The following CCDC3 variants were observed in gnomAD, a reference collection of about 807,000 sequenced individuals.
CCDC3 encodes the protein coiled-coil domain-containing protein 3.
A neutral mutation model predicts 21.4 loss-of-function variants in CCDC3; 24 were observed. The observed-to-expected ratio is 1.12, with a 90% CI of 0.81 to 1.58. The LOEUF is 1.58. CCDC3 is among the 40% of genes most tolerant of loss of function. The pLI is 0.00. For synonymous variants in CCDC3, 186 were observed against 166.0 expected, an observed-to-expected ratio of 1.12 and a Z score of -0.93; for missense variants, 425 against 360.9, an observed-to-expected ratio of 1.18 and a Z score of -1.44.
At chr10:12,907,345 C>A (rs1375297051) in intron 2 of CCDC3, among the ~76,000 whole-genome samples, 2 of 152,120 alleles carry the variant, frequency 1.3e-5, no homozygotes, top group Non-Finnish European at 2.9e-5. Flanking sequence ...CCCCATTTCC[C>A]AGGAATAAAG....
intron 2 of CCDC3, among the ~76,000 whole-genome samples, chr10:12,992,158 G>A (rs1462618410): frequency 6.6e-6 from 1 of 152,086 alleles, no homozygotes; most frequent in African/African-American, 2.4e-5. Flanking sequence ...GGGAGGCTGA[G>A]GTGGGTAGAT....
intron 2 of CCDC3, among the ~76,000 whole-genome samples, chr10:12,901,525 G>A (rs937805136): frequency 2.6e-5 from 4 of 151,968 alleles, no homozygotes; most frequent in South Asian, 2.1e-4. Flanking sequence ...TGCCCGCCTC[G>A]GCCTCCCAAA....
chr10:13,014,997 T>C (rs1311296543), intron 5 of CCDC3, among the ~76,000 whole-genome samples: 1 of 152,100 alleles, frequency 6.6e-6, no homozygotes, highest in Non-Finnish European at 1.5e-5. Context: ...GGGAGTGATT[T>C]GTAAATTGTA....
At chr10:12,912,291 T>C (rs113466897) in intron 2 of CCDC3, among the ~76,000 whole-genome samples, 2,745 of 152,298 alleles carry the variant, frequency 0.018, 76 homozygotes, top group African/African-American at 0.062. Flanking sequence ...CCAACACTTA[T>C]CTTTTGTCTT....
intron 5 of CCDC3, among the ~76,000 whole-genome samples, chr10:13,016,986 C>G (rs1314286497): frequency 6.6e-6 from 1 of 152,032 alleles, no homozygotes; most frequent in Non-Finnish European, 1.5e-5. Flanking sequence ...ACATCATGAT[C>G]TCTGCCAGTT....
At chr10:12,920,331 G>C (rs1764175979) in intron 2 of CCDC3, among the ~76,000 whole-genome samples, 3 of 152,128 alleles carry the variant, frequency 2.0e-5, no homozygotes, top group African/African-American at 4.8e-5. Flanking sequence ...TCTCCCACGG[G>C]GTCCTTCCCA....
At chr10:13,074,908 AAT>A (rs1160851795) in intron 3 of CCDC3, among the ~76,000 whole-genome samples, 1 of 152,258 alleles carries the variant, frequency 6.6e-6, no homozygotes, top group Non-Finnish European at 1.5e-5. Flanking sequence ...TCAAACAGAC[AAT>A]ATGAGTGCCT....
chr10:12,934,859 C>T (rs1195020197), intron 2 of CCDC3, among the ~76,000 whole-genome samples: 1 of 152,092 alleles, frequency 6.6e-6, no homozygotes. Flanking sequence ...TATCAAACTC[C>T]TAGGCTCAAT....
rs554589239 is a variant in CCDC3, at chr10:13,016,230, A to G, written c.-1-17718T>C. On this transcript the variant is annotated intron_variant, in intron 5 of 6. Transcript: ENST00000378839. ...AAAATTCCCCTCCCATAGAGTTAAC[A>G]AATGAATAAACAAATAAAAACCCCA... 7.9e-5 allele frequency among the ~76,000 whole-genome samples: 12 copies of G among 152,042 alleles called. No homozygotes were observed. The East Asian group carries it at 2.3e-3, about 29-fold the overall frequency.
At chr10:12,937,543 G>A (rs768356073) in intron 2 of CCDC3, among the ~76,000 whole-genome samples, 2 of 152,086 alleles carry the variant, frequency 1.3e-5, no homozygotes, top group Non-Finnish European at 2.9e-5. Flanking sequence ...GCTCACTGCA[G>A]CCTCGACCTC....
At chr10:13,052,766 C>T (rs1836624588) in intron 4 of CCDC3, among the ~76,000 whole-genome samples, 1 of 151,998 alleles carries the variant, frequency 6.6e-6, no homozygotes, top group Non-Finnish European at 1.5e-5. Context: ...ATGGTGAAAC[C>T]CTGTCTCTAC....
At chr10:13,060,138 G>C (rs917336619) in intron 4 of CCDC3, among the ~76,000 whole-genome samples, 4 of 147,926 alleles carry the variant, frequency 2.7e-5, no homozygotes, top group Non-Finnish European at 5.9e-5. Context: ...ATCTGAGCCA[G>C]CTGTTTCATC....
At chr10:13,032,981 G>GA (rs1425528197) in intron 5 of CCDC3, among the ~76,000 whole-genome samples, 1 of 152,124 alleles carries the variant, frequency 6.6e-6, no homozygotes, top group Non-Finnish European at 1.5e-5. Context: ...CACAGAATTG[G>GA]AAAAAACTAC....
chr10:13,048,839 G>C lies in CCDC3; in HGVS notation c.-2+835C>G, dbSNP rs188648404. Among the ~76,000 whole-genome samples, 80 of 152,274 alleles carry C rather than the reference G, an allele frequency of 5.3e-4. 1 individual carries two copies. Among genetic ancestry groups the C allele is most frequent in the Middle Eastern group, 6.8e-3 (2 of 294 alleles). On this transcript the variant is annotated intron_variant, in intron 5 of 6. Transcript: ENST00000378839. Reference sequence around the variant, plus strand: ...GAGTAAGGAGTGTGTGTAAGAGAGAGGGAGATTGTGTCTGAAAACATATGC... The same window carrying C: ...GAGTAAGGAGTGTGTGTAAGAGAGACGGAGATTGTGTCTGAAAACATATGC...
At chr10:12,988,604 G>A (rs192732036) in intron 2 of CCDC3, among the ~76,000 whole-genome samples, 14 of 152,104 alleles carry the variant, frequency 9.2e-5, no homozygotes, top group Non-Finnish European at 1.6e-4. Context: ...TCAGCCTCCC[G>A]AAGTGTCAGG....
chr10:13,016,952 C>T (rs1836071677), intron 5 of CCDC3, among the ~76,000 whole-genome samples: 1 of 151,996 alleles, frequency 6.6e-6, no homozygotes, highest in African/African-American at 2.4e-5. Flanking sequence ...TGGGAGAGGA[C>T]AGAAACAAGG....
intron 4 of CCDC3, among the ~76,000 whole-genome samples, chr10:13,062,719 G>T (rs1382196149): frequency 6.6e-6 from 1 of 152,114 alleles, no homozygotes; most frequent in Non-Finnish European, 1.5e-5. Flanking sequence ...TTTGCTTGGG[G>T]ACTAGATTGC....
intron 2 of CCDC3, among the ~76,000 whole-genome samples, chr10:12,912,015 C>T (rs1042738591): frequency 2.0e-5 from 3 of 152,172 alleles, no homozygotes; most frequent in Non-Finnish European, 4.4e-5. Flanking sequence ...TGAGTATATA[C>T]ACATCATGTT....
intron 3 of CCDC3, among the ~76,000 whole-genome samples, chr10:13,079,498 G>C (rs1362759296): frequency 2.6e-5 from 4 of 152,086 alleles, no homozygotes; most frequent in Non-Finnish European, 5.9e-5. Context: ...AGCATTCCTT[G>C]GTTGGGACAC....
Sources: gnomAD v4.1 joint callset for allele counts (sites outside exome capture counted in the v4.1 genomes callset) on GRCh38, gnomAD v4.1.1 for gene constraint, MANE v1.5 for transcripts, NCBI Gene and HGNC (gene_info 2026-07-23, HGNC 2026-07-21) for gene names.